The following CPQ variants were observed in gnomAD, a reference collection of about 807,000 sequenced individuals.
CPQ encodes the protein carboxypeptidase Q, also known as Ser-Met dipeptidase.
Under a neutral mutation model 45.7 loss-of-function variants are expected in CPQ, and 37 were observed. The ratio of observed to expected loss-of-function variants is 0.81; its 90% CI spans 0.62 to 1.07. The LOEUF is 1.07. CPQ is among the 50% of genes least tolerant of loss of function. CPQ has a pLI of 0.00. For synonymous variants in CPQ, 186 were observed against 205.8 expected (o/e 0.90, Z 0.82); for missense variants, 537 against 572.9 (o/e 0.94, Z 0.64).
chr8:96,790,597 G>A (rs1482845514), intron 2 of CPQ, among the ~76,000 whole-genome samples: 1 of 152,078 alleles, frequency 6.6e-6, no homozygotes, highest in Non-Finnish European at 1.5e-5. Flanking sequence ...CTGAGAATTG[G>A]GTGGAGAGAA....
At chr8:97,114,683 CA>C (rs1364317921) in intron 7 of CPQ, among the ~76,000 whole-genome samples, 4 of 152,208 alleles carry the variant, frequency 2.6e-5, no homozygotes, top group Non-Finnish European at 1.5e-5. Flanking sequence ...TCTTGTCAGA[CA>C]CCAGCAGAGT....
At chr8:96,866,344 G>T (rs1811995367) in intron 3 of CPQ, among the ~76,000 whole-genome samples, 1 of 152,014 alleles carries the variant, frequency 6.6e-6, no homozygotes, top group African/African-American at 2.4e-5. Flanking sequence ...CAGCAAATCT[G>T]TTGGCAGTTT....
intron 2 of CPQ, among the ~76,000 whole-genome samples, chr8:96,800,450 T>C (rs1339940938): frequency 6.6e-6 from 1 of 152,200 alleles, no homozygotes; most frequent in East Asian, 1.9e-4. Context: ...TATTTTCATA[T>C]TCTATGACCC....
chr8:96,852,033 C>T (rs978807130), intron 3 of CPQ, among the ~76,000 whole-genome samples: 5 of 152,224 alleles, frequency 3.3e-5, no homozygotes, highest in African/African-American at 1.2e-4. Flanking sequence ...TTTCTCCTTC[C>T]AGAGATTTGC....
At chr8:96,828,341 T>A (rs1811403906) in intron 2 of CPQ, among the ~76,000 whole-genome samples, 2 of 152,062 alleles carry the variant, frequency 1.3e-5, no homozygotes, top group Non-Finnish European at 2.9e-5. Flanking sequence ...CCATGTGATA[T>A]CACCCTGCAA....
chr8:97,071,612 G>C (rs1023188411), intron 7 of CPQ, among the ~76,000 whole-genome samples: 1 of 152,250 alleles, frequency 6.6e-6, no homozygotes, highest in Admixed American at 6.5e-5. Flanking sequence ...TCCTACAGCA[G>C]CCTCCTAGTA....
chr8:96,800,768 T>C (rs1365281685), intron 2 of CPQ, among the ~76,000 whole-genome samples: 1 of 152,158 alleles, frequency 6.6e-6, no homozygotes, highest in Non-Finnish European at 1.5e-5. Context: ...CACAGAATAA[T>C]ATTTTATATT....
intron 6 of CPQ, among the ~76,000 whole-genome samples, chr8:97,035,702 ATTG>A (rs1809990730): frequency 8.4e-5 from 1 of 11,866 alleles, no homozygotes; most frequent in African/African-American, 5.2e-4. Context: ...GTTTGTTTGT[ATTG>A]TTTTGTTTTC....
intron 4 of CPQ, among the ~76,000 whole-genome samples, chr8:96,921,826 A>G (rs1812811912): frequency 6.6e-6 from 1 of 152,216 alleles, no homozygotes; most frequent in African/African-American, 2.4e-5. Context: ...CTGGTTTTAT[A>G]TAATCTTAGT....
intron 5 of CPQ, among the ~76,000 whole-genome samples, chr8:97,012,825 A>G (rs1809513360): frequency 6.6e-6 from 1 of 152,172 alleles, no homozygotes; most frequent in Non-Finnish European, 1.5e-5. Flanking sequence ...TAAAATGTGA[A>G]CCACTGAAAT....
chr8:97,108,994 A>T (rs1246016458), intron 7 of CPQ, among the ~76,000 whole-genome samples: 1 of 152,192 alleles, frequency 6.6e-6, no homozygotes, highest in Non-Finnish European at 1.5e-5. Flanking sequence ...CTTGTAACTC[A>T]TCAGCATTCA....
At position 96,711,896 on chromosome 8, in the gene CPQ, C is replaced by T. The variant is rs1026441422; in HGVS notation, c.-35+66494C>T. ...GTCTTAACTCATTCCAACATTAACC[C>T]AAAAGTCCAAGTCCAAAGTCTCATC... On this transcript the variant is annotated intron_variant, in intron 1 of 7. Coordinates refer to ENST00000220763, the MANE Select transcript of CPQ (RefSeq NM_016134.4). Among the ~76,000 whole-genome samples, 6 of 152,080 alleles carry T rather than the reference C, an allele frequency of 3.9e-5. No homozygotes were observed. The East Asian group carries it at 1.2e-3, about 29-fold the overall frequency.
At chr8:96,812,675 G>GGATA (rs1287010343) in intron 2 of CPQ, among the ~76,000 whole-genome samples, 1 of 152,092 alleles carries the variant, frequency 6.6e-6, no homozygotes, top group African/African-American at 2.4e-5. Context: ...TTGGCAACAG[G>GGATA]GATAGGGCCT....
At chr8:97,123,029 A>AAAATAAAATAAAATAAAAT (rs1811760085) in intron 7 of CPQ, among the ~76,000 whole-genome samples, 2 of 60,076 alleles carry the variant, frequency 3.3e-5, no homozygotes, top group South Asian at 8.8e-4. Flanking sequence ...TAAAATAAAT[A>AAAATAAAATAAAATAAAAT]AAATAAAATA....
chr8:97,032,772 C>T (rs1341158996), intron 6 of CPQ, among the ~76,000 whole-genome samples: 1 of 152,146 alleles, frequency 6.6e-6, no homozygotes, highest in East Asian at 1.9e-4. Context: ...CAGTCTTTGA[C>T]CAGAAGGACC....
At chr8:96,953,768 T>A (rs1186149216) in intron 4 of CPQ, among the ~76,000 whole-genome samples, 1 of 152,144 alleles carries the variant, frequency 6.6e-6, no homozygotes, top group African/African-American at 2.4e-5. Flanking sequence ...TAGCTCAATA[T>A]GCTTGTGGCC....
chr8:96,797,942 T>TAGG (rs1810956748), intron 2 of CPQ, among the ~76,000 whole-genome samples: 1 of 151,760 alleles, frequency 6.6e-6, no homozygotes, highest in African/African-American at 2.4e-5. Flanking sequence ...TCCCAGCTAC[T>TAGG]CAGGAGGCTA....
intron 1 of CPQ, among the ~76,000 whole-genome samples, chr8:96,763,325 G>C (rs1482122031): frequency 2.6e-5 from 4 of 152,028 alleles, no homozygotes; most frequent in Non-Finnish European, 4.4e-5. Flanking sequence ...AATTGTACTA[G>C]TGTGGTTTGC....
At chr8:96,652,824 C>T (rs930761720) in intron 1 of CPQ, among the ~76,000 whole-genome samples, 2 of 152,062 alleles carry the variant, frequency 1.3e-5, no homozygotes, top group African/African-American at 2.4e-5. Context: ...TTACTAGAGA[C>T]GGGGTTTCAC....
Sources: gnomAD v4.1 joint callset for allele counts (sites outside exome capture counted in the v4.1 genomes callset) on GRCh38, gnomAD v4.1.1 for gene constraint, MANE v1.5 for transcripts, NCBI Gene and HGNC (gene_info 2026-07-23, HGNC 2026-07-21) for gene names.